The following SLC26A5 variants were observed in gnomAD, a reference collection of about 807,000 sequenced individuals.
The protein encoded by SLC26A5 is solute carrier family 26 member 5.
SLC26A5 carries 51 observed loss-of-function variants against 81.0 expected under a neutral mutation model. That is an observed-to-expected ratio of 0.63 (90% confidence interval 0.50 to 0.80). The LOEUF is 0.80. SLC26A5 is among the 30% of genes least tolerant of loss of function. SLC26A5 has a pLI of 0.00. For missense variants in SLC26A5, 771 were observed against 905.8 expected (o/e 0.85, Z 1.91); for synonymous variants, 325 against 332.8 (o/e 0.98, Z 0.25).
intron 2 of SLC26A5, among the ~76,000 whole-genome samples, chr7:103,431,454 C>G (rs733267): frequency 0.38 from 58,029 of 151,824 alleles, 14,859 homozygotes; most frequent in African/African-American, 0.72. Flanking sequence ...TCTTGAGTAA[C>G]TGGGATCACA....
At chr7:103,435,640 A>G (rs990349896) in intron 2 of SLC26A5, among the ~76,000 whole-genome samples, 6 of 152,186 alleles carry the variant, frequency 3.9e-5, no homozygotes, top group African/African-American at 1.2e-4. Context: ...GAGAAGCCCT[A>G]CTTCACTATA....
chr7:103,376,914 A>G (rs781156581), intron 18 of SLC26A5, 52 bp from the exon 19 acceptor site: 5 of 1,249,712 alleles, frequency 4.0e-6, no homozygotes, highest in Non-Finnish European at 5.9e-6. Flanking sequence ...GTGCCAGATG[A>G]AAGTCTCTTT....
At chr7:103,364,352 T>A in intron 19 of SLC26A5, 1 of 1,601,310 alleles carries the variant, frequency 6.2e-7, no homozygotes. Context: ...TGAAAGATTT[T>A]ACAGTATGAA....
intron 14 of SLC26A5, among the ~76,000 whole-genome samples, chr7:103,381,846 T>C (rs996511060): frequency 2.7e-5 from 4 of 150,034 alleles, no homozygotes; most frequent in African/African-American, 9.8e-5. Context: ...CACACATGCA[T>C]ATACACCACA....
chr7:103,374,238 C>G lies in SLC26A5; in HGVS notation c.*161G>C. ...TTTGAAGTATTCAATTAAAAAAACA[C>G]AAGTACAATACATCTTGCTAGGCGT... is the stretch of plus-strand genomic sequence containing the variant. On this transcript the variant is annotated 3_prime_UTR_variant, in exon 20 of 20. Coordinates refer to ENST00000306312, the MANE Select transcript of SLC26A5 (RefSeq NM_198999.3). 7.0e-7 allele frequency: 1 copy of G among 1,422,802 alleles called. No individual in the cohort carries two copies. The highest frequency in any genetic ancestry group is 9.1e-7 in the Non-Finnish European group (1 of 1,093,378). The allele number at this position is 1,422,802 out of a possible 1,614,324, so 88.1% of individuals were successfully genotyped here.
intron 8 of SLC26A5, among the ~76,000 whole-genome samples, chr7:103,401,474 G>C (rs1212707513): frequency 2.6e-5 from 4 of 152,064 alleles, no homozygotes; most frequent in African/African-American, 9.7e-5. Context: ...TGATACGAAG[G>C]GTTTTTCTAA....
chr7:103,417,681 T>C (rs1281322021), intron 4 of SLC26A5, among the ~76,000 whole-genome samples: 1 of 152,148 alleles, frequency 6.6e-6, no homozygotes, highest in Admixed American at 6.5e-5. Flanking sequence ...AATATCTACT[T>C]GTCTATCTCA....
Position 103,374,576 on chromosome 7 carries a change from G to A in SLC26A5, c.2058C>T (p.Asp686=). The A allele has an allele frequency of 6.2e-7, 1 of 1,613,768 alleles. No homozygotes were observed. The highest frequency in any genetic ancestry group is 8.5e-7 in the Non-Finnish European group (1 of 1,179,958). The change falls in exon 20 of 20, where the codon GAC becomes GAT. Residue 686 remains aspartate, a synonymous_variant. Transcript: ENST00000306312. ...TTTCAAAAAATCTATTCCGAGTGAG[G>A]TCATTCACAACTTGTGCTATTAAAA... ...LAGCSAQVVN[D]LTRNRFFENP...
intron 8 of SLC26A5, among the ~76,000 whole-genome samples, chr7:103,401,420 G>A (rs1373314712): frequency 2.0e-5 from 3 of 152,138 alleles, no homozygotes; most frequent in East Asian, 1.9e-4. Flanking sequence ...TTTGTATCCC[G>A]ATACTTTGCT....
intron 4 of SLC26A5, among the ~76,000 whole-genome samples, chr7:103,417,909 T>A (rs1825051811): frequency 6.6e-6 from 1 of 152,136 alleles, no homozygotes; most frequent in Admixed American, 6.5e-5. Context: ...CCACTATGCC[T>A]GGCTTATTTT....
intron 17 of SLC26A5, among the ~76,000 whole-genome samples, chr7:103,378,116 G>A (rs553015631): frequency 6.6e-6 from 1 of 152,140 alleles, no homozygotes; most frequent in South Asian, 2.1e-4. Flanking sequence ...AGTATGATGG[G>A]TCACACATTA....
At chr7:103,385,024 T>C (rs1239597378) in intron 14 of SLC26A5, among the ~76,000 whole-genome samples, 3 of 152,112 alleles carry the variant, frequency 2.0e-5, no homozygotes, top group African/African-American at 7.2e-5. Context: ...TTAGAGAAAT[T>C]ATAATTTTTA....
intron 8 of SLC26A5, among the ~76,000 whole-genome samples, chr7:103,400,902 T>C (rs960941717): frequency 1.6e-4 from 24 of 152,240 alleles, no homozygotes; most frequent in Admixed American, 3.9e-4. Context: ...AGGCCTCTGT[T>C]CTGTTCCACA....
intron 4 of SLC26A5, 138 bp from the exon 5 acceptor site, chr7:103,413,250 T>A (rs1824650865): frequency 1.5e-6 from 1 of 688,736 alleles, no homozygotes; most frequent in South Asian, 1.6e-5. Context: ...CCTACCCCAG[T>A]CCTGCACATC....
intron 9 of SLC26A5, among the ~76,000 whole-genome samples, chr7:103,396,745 G>A (rs1275881773): frequency 6.6e-6 from 1 of 152,120 alleles, no homozygotes; most frequent in East Asian, 1.9e-4. Flanking sequence ...AAGTCCTGGA[G>A]ATACGCTTTA....
intron 14 of SLC26A5, among the ~76,000 whole-genome samples, chr7:103,387,542 C>T (rs1563526467): frequency 6.6e-6 from 1 of 152,134 alleles, no homozygotes; most frequent in South Asian, 2.1e-4. Flanking sequence ...TCATTTAAGC[C>T]TTATTGTAAC....
At chr7:103,408,113 A>G in intron 7 of SLC26A5, 110 bp from the exon 8 acceptor site, 5 of 1,438,348 alleles carry the variant, frequency 3.5e-6, no homozygotes, top group Non-Finnish European at 3.9e-6. Context: ...GGATATTTCT[A>G]GTGGAAAGTT....
At chr7:103,375,933 T>G (rs1205932417) in intron 19 of SLC26A5, among the ~76,000 whole-genome samples, 1 of 151,454 alleles carries the variant, frequency 6.6e-6, no homozygotes, top group Non-Finnish European at 1.5e-5. Flanking sequence ...TTTTTTGTAT[T>G]TTTAGTAGAG....
chr7:103,406,899 C>T (rs1824100072), intron 8 of SLC26A5, among the ~76,000 whole-genome samples: 1 of 152,158 alleles, frequency 6.6e-6, no homozygotes, highest in Non-Finnish European at 1.5e-5. Flanking sequence ...GTGATCTGCC[C>T]GCCTTGGCCT....
Sources: gnomAD v4.1 joint callset for allele counts (sites outside exome capture counted in the v4.1 genomes callset) on GRCh38, gnomAD v4.1.1 for gene constraint, MANE v1.5 for transcripts, NCBI Gene and HGNC (gene_info 2026-07-23, HGNC 2026-07-21) for gene names.